Variants in TERF2 observed in about 807,000 individuals in gnomAD.
TERF2 encodes telomeric repeat-binding factor 2.
TERF2 carries 16 observed loss-of-function variants against 56.1 expected under a neutral mutation model. The ratio of observed to expected loss-of-function variants is 0.29; its 90% CI spans 0.19 to 0.43. The LOEUF (loss-of-function observed/expected upper bound fraction) is 0.43, where lower values mean the gene tolerates loss of function less well. Ranked by LOEUF, TERF2 falls within the 20% of genes least tolerant of loss-of-function variation. The pLI is 1.00. For missense variants in TERF2, 547 were observed against 712.9 expected (o/e 0.77, Z 2.65); for synonymous variants, 296 against 282.1 (o/e 1.05, Z -0.50).
chr16:69,361,636 C>T (rs371977451), intron 7 of TERF2, 147 bp from the exon 8 acceptor site: 59 of 650,780 alleles, frequency 9.1e-5, no homozygotes, highest in East Asian at 7.9e-4. Context: ...CCTCCCAAAG[C>T]CACTGTCCTT....
In TERF2 at chr16:69,356,766, C is replaced by A; in HGVS notation, c.*132G>T. 1.9e-6 allele frequency: 2 copies of A among 1,069,158 alleles called. No homozygotes were observed. The highest frequency in any genetic ancestry group is 2.6e-6 in the Non-Finnish European group (2 of 776,338). The allele number at this position is 1,069,158 out of a possible 1,614,324, so 66.2% of individuals were successfully genotyped here. A position where few individuals can be genotyped will look rare whatever the true frequency, so the allele number is the denominator to read the frequency against. ...AGTGAGCCGAGATCACGCCACTGCA[C>A]TCCAGCCTGGGTGACAGAGCGAGAC... On this transcript the variant is annotated 3_prime_UTR_variant, in exon 10 of 10. Transcript: ENST00000254942.
chr16:69,373,115 A>C (rs994309456), intron 3 of TERF2, among the ~76,000 whole-genome samples: 11 of 152,194 alleles, frequency 7.2e-5, no homozygotes, highest in Admixed American at 2.6e-4. Context: ...TGCTAGTTCC[A>C]TTCTGGAAAG....
intron 7 of TERF2, among the ~76,000 whole-genome samples, chr16:69,364,345 T>C (rs574620413): frequency 6.6e-6 from 1 of 152,216 alleles, no homozygotes; most frequent in South Asian, 2.1e-4. Flanking sequence ...GCCTTCCAAT[T>C]TGTTGTATTA....
Position 69,385,675 on chromosome 16 carries a change from G to A in TERF2, c.297C>T (p.Leu99=). 6.2e-7 allele frequency: 1 copy of A among 1,610,870 alleles called. No individual in the cohort carries two copies. Among genetic ancestry groups the A allele is most frequent in the Non-Finnish European group, 8.5e-7 (1 of 1,179,274 alleles). Residue 99 remains leucine (L), a synonymous_variant, in exon 1 of 10, where the codon CTC becomes CTT. Transcript: ENST00000254942. ...GCAGCGCCTCGTGGAAGTAGAACTT[G>A]AGCACCCAGCGATTGACTGCCTCTT... ...RLEEAVNRWV[L]KFYFHEALRA...
chr16:69,378,645 T>TA (rs1173956627), intron 3 of TERF2, among the ~76,000 whole-genome samples: 2 of 152,198 alleles, frequency 1.3e-5, no homozygotes, highest in African/African-American at 4.8e-5. Context: ...GAAAAAATGG[T>TA]AAACTATTCA....
intron 2 of TERF2, 82 bp downstream of exon 2, chr16:69,385,309 G>T: frequency 8.2e-7 from 1 of 1,225,236 alleles, no homozygotes. Context: ...ACTTTAACCT[G>T]GAATCCTTCA....
chr16:69,367,242 T>A (rs1448055721), intron 6 of TERF2, 43 bp from the exon 7 acceptor site: 1 of 1,549,246 alleles, frequency 6.5e-7, no homozygotes, highest in Non-Finnish European at 8.7e-7. Context: ...TCACCACTGA[T>A]GATGCTCATC....
chr16:69,370,994 T>TACACACAC (rs113222809), intron 4 of TERF2, among the ~76,000 whole-genome samples: 2,312 of 147,742 alleles, frequency 0.016, 47 homozygotes, highest in South Asian at 0.11. Flanking sequence ...TGGATGTCTG[T>TACACACAC]ACACACACAC....
At chr16:69,359,495 C>T (rs183633) in intron 8 of TERF2, among the ~76,000 whole-genome samples, 18 of 149,700 alleles carry the variant, frequency 1.2e-4, no homozygotes, top group Non-Finnish European at 1.6e-4. Context: ...GCCACTGCAC[C>T]CCAGCCTGGG....
intron 4 of TERF2, among the ~76,000 whole-genome samples, chr16:69,370,858 G>A (rs1273937380): frequency 6.6e-6 from 1 of 152,166 alleles, no homozygotes; most frequent in Non-Finnish European, 1.5e-5. Flanking sequence ...TTCCTTATAT[G>A]CTAACATAGA....
In TERF2 at chr16:69,372,297, T is replaced by C. The variant is rs1178065096; in HGVS notation, c.665A>G (p.Lys222Arg). 10 of 1,611,644 alleles carry C rather than the reference T, an allele frequency of 6.2e-6. No individual in the cohort carries two copies. In the East Asian group the frequency reaches 2.2e-4, roughly 36 times the overall value. Residue 222 changes from lysine to arginine, a missense_variant, in exon 4 of 10, where the codon AAA (lysine) becomes AGA (arginine). Transcript: ENST00000254942. ...EFEKASKILK[K>R]HMSKDPTTQK... ...AGTTGTGGGGTCCTTGGACATATGT[T>C]TTTTCAAAATTTTTGAAGCCTTTTC...
chr16:69,381,755 A>C (rs1159297809), intron 3 of TERF2, among the ~76,000 whole-genome samples: 1 of 152,236 alleles, frequency 6.6e-6, no homozygotes, highest in Non-Finnish European at 1.5e-5. Context: ...TGCTAGGATT[A>C]CAGGTATGAG....
At chr16:69,377,132 G>A (rs1269939560) in intron 3 of TERF2, among the ~76,000 whole-genome samples, 1 of 150,844 alleles carries the variant, frequency 6.6e-6, no homozygotes, top group African/African-American at 2.4e-5. Context: ...AAACCTAGGA[G>A]ACGGAGGTTG....
Position 69,381,938 on chromosome 16 carries a change from A to C in TERF2, c.606+2642T>G, listed in dbSNP as rs77315662. Among the ~76,000 whole-genome samples, 691 of 152,286 alleles carry C rather than the reference A, an allele frequency of 4.5e-3. 14 individuals carry two copies. The East Asian group carries it at 0.065, about 14-fold the overall frequency. On this transcript the variant is annotated intron_variant, in intron 3 of 9. Coordinates refer to ENST00000254942, the MANE Select transcript of TERF2 (RefSeq NM_005652.5). The stretch of plus-strand genomic sequence containing the variant: ...GAGCTTTTAAACAACTGTGACTAAC[A>C]TTCTTAATTAAAATTGGTAGTTTTA...
intron 3 of TERF2, among the ~76,000 whole-genome samples, chr16:69,378,061 T>A (rs1018979116): frequency 6.6e-6 from 1 of 152,322 alleles, no homozygotes; most frequent in South Asian, 2.1e-4. Context: ...TTTTATCAGG[T>A]TGAGGAAGTT....
chr16:69,385,538 C>A (rs1273733709), intron 1 of TERF2, 52 bp from the exon 2 acceptor site: 9 of 1,597,342 alleles, frequency 5.6e-6, no homozygotes, highest in African/African-American at 1.3e-5. Flanking sequence ...GACTCCCGGT[C>A]CCCCGGACCC....
At chr16:69,379,223 G>C (rs911651896) in intron 3 of TERF2, among the ~76,000 whole-genome samples, 2 of 152,178 alleles carry the variant, frequency 1.3e-5, no homozygotes, top group African/African-American at 4.8e-5. Context: ...TAAAGAAGCA[G>C]ATGCAAAAAG....
intron 4 of TERF2, among the ~76,000 whole-genome samples, chr16:69,371,098 AAGATGGCTGAGGGTCAC>A (rs2013556639): frequency 6.6e-6 from 1 of 152,126 alleles, no homozygotes; most frequent in African/African-American, 2.4e-5. Context: ...TGAAGGGAAG[AAGATGGCTGAGGGTCAC>A]AGATGAGAGT....
chr16:69,375,540 A>T (rs1336467862), intron 3 of TERF2, among the ~76,000 whole-genome samples: 1 of 152,242 alleles, frequency 6.6e-6, no homozygotes, highest in Non-Finnish European at 1.5e-5. Flanking sequence ...CTATTTAAAA[A>T]ACAGATGAAA....
Sources: allele counts gnomAD v4.1 joint callset (sites outside exome capture counted in the v4.1 genomes callset), GRCh38; gene constraint gnomAD v4.1.1; transcripts MANE v1.5; gene names NCBI Gene and HGNC (gene_info 2026-07-23, HGNC 2026-07-21).